PPARGC1A: variants seen among roughly 807,000 people sequenced by gnomAD.
PPARGC1A encodes peroxisome proliferator-activated receptor gamma coactivator 1-alpha.
In PPARGC1A, 25 loss-of-function variants were observed where a neutral mutation model predicts 88.7. The observed-to-expected ratio is 0.28, with a 90% CI of 0.21 to 0.39. The LOEUF (loss-of-function observed/expected upper bound fraction) is 0.39, where lower values mean the gene tolerates loss of function less well. Ranked by LOEUF, PPARGC1A falls within the 10% of genes least tolerant of loss-of-function variation. The pLI is 1.00. For synonymous variants in PPARGC1A, 363 were observed against 355.6 expected (o/e 1.02, Z -0.24); for missense variants, 880 against 968.7 (o/e 0.91, Z 1.22).
At chr4:24,047,076 CT>C in the PPARGC1A span, among the ~76,000 whole-genome samples, 1 of 152,198 alleles carries the variant, frequency 6.6e-6, no homozygotes, top group African/African-American at 2.4e-5. Context: ...CTACTTACCT[CT>C]CCTATTCCAT....
At chr4:23,926,640 T>C in the PPARGC1A span, among the ~76,000 whole-genome samples, 1 of 152,208 alleles carries the variant, frequency 6.6e-6, no homozygotes, top group Non-Finnish European at 1.5e-5. Context: ...TGCCCTTTTA[T>C]CATGCTTTTG....
chr4:24,173,118 A>G, the PPARGC1A span, among the ~76,000 whole-genome samples: 2 of 152,164 alleles, frequency 1.3e-5, no homozygotes, highest in African/African-American at 4.8e-5. Flanking sequence ...TACTGGTGAC[A>G]GGGCATGCTC....
At chr4:24,104,811 C>T in the PPARGC1A span, among the ~76,000 whole-genome samples, 2 of 152,198 alleles carry the variant, frequency 1.3e-5, no homozygotes, top group Admixed American at 6.5e-5. Context: ...AAGCCTTTTA[C>T]AGCTAAAGAA....
intron 1 of PPARGC1A, among the ~76,000 whole-genome samples, chr4:23,895,437 C>G (rs532108356): frequency 6.6e-6 from 1 of 150,676 alleles, no homozygotes; most frequent in African/African-American, 2.4e-5. Flanking sequence ...GAATTTTGCT[C>G]TAGCTAAACT....
intron 10 of PPARGC1A, among the ~76,000 whole-genome samples, chr4:23,812,307 C>G (rs1390944395): frequency 6.6e-6 from 1 of 152,072 alleles, no homozygotes; most frequent in Non-Finnish European, 1.5e-5. Flanking sequence ...TGAACTCAGT[C>G]TCTTCATGGA....
chr4:24,131,524 C>T, the PPARGC1A span, among the ~76,000 whole-genome samples: 44 of 152,282 alleles, frequency 2.9e-4, no homozygotes, highest in African/African-American at 9.9e-4. Flanking sequence ...AAACTTTATA[C>T]AGGACCACAA....
chr4:24,461,073 G>A, the PPARGC1A span, among the ~76,000 whole-genome samples: 2 of 152,108 alleles, frequency 1.3e-5, no homozygotes, highest in Non-Finnish European at 2.9e-5. Flanking sequence ...ACAGGTGCAT[G>A]CCATCACACC....
rs771627154 is a variant in PPARGC1A at position 23,813,684 on chromosome 4, GT to G, written c.1793+5del. On this transcript the variant is annotated splice_donor_5th_base_variant and intron_variant, in intron 8 of 12. Transcript: ENST00000264867. ...TTTGTGTTATTAGGGTTTTGCCAAG[GT>G]TTACCTTGAAGAGGATCTACTGCCT... 21 of 1,548,670 alleles carry G rather than the reference GT, an allele frequency of 1.4e-5. No homozygotes were observed. The East Asian group carries it at 4.7e-4, about 35-fold the overall frequency.
chr4:24,253,331 T>C, the PPARGC1A span, among the ~76,000 whole-genome samples: 1 of 152,220 alleles, frequency 6.6e-6, no homozygotes, highest in Non-Finnish European at 1.5e-5. Flanking sequence ...TATTTAACGT[T>C]ATGAGCACTA....
At chr4:23,828,653 T>C (rs781356933) in intron 4 of PPARGC1A, 49 bp from the exon 5 acceptor site, 2 of 1,540,444 alleles carry the variant, frequency 1.3e-6, no homozygotes, top group South Asian at 2.2e-5. Flanking sequence ...CTGAACCTTA[T>C]CAGAATGGAT....
the PPARGC1A span, among the ~76,000 whole-genome samples, chr4:23,952,255 C>T: frequency 6.6e-6 from 1 of 152,110 alleles, no homozygotes; most frequent in African/African-American, 2.4e-5. Flanking sequence ...ATAGTTTACC[C>T]TTTATTCTTT....
At chr4:24,464,384 T>C in the PPARGC1A span, among the ~76,000 whole-genome samples, 1 of 152,192 alleles carries the variant, frequency 6.6e-6, no homozygotes, top group Admixed American at 6.5e-5. Flanking sequence ...TCAAAAGCTG[T>C]AACAGAAAAC....
At chr4:24,064,794 A>G in the PPARGC1A span, among the ~76,000 whole-genome samples, 1 of 152,034 alleles carries the variant, frequency 6.6e-6, no homozygotes, top group Non-Finnish European at 1.5e-5. Context: ...CAATATGTGC[A>G]TCTTACTAGC....
At chr4:24,005,906 G>A in the PPARGC1A span, among the ~76,000 whole-genome samples, 4 of 152,114 alleles carry the variant, frequency 2.6e-5, no homozygotes, top group Admixed American at 6.6e-5. Context: ...GATTCTTGGC[G>A]ACATGTAATG....
the PPARGC1A span, among the ~76,000 whole-genome samples, chr4:24,129,888 T>A: frequency 2.0e-5 from 3 of 151,814 alleles, no homozygotes; most frequent in Non-Finnish European, 4.4e-5. Context: ...CAGCAAACTA[T>A]CGCCAAGGAC....
chr4:24,034,611 C>G, the PPARGC1A span, among the ~76,000 whole-genome samples: 3 of 152,076 alleles, frequency 2.0e-5, no homozygotes, highest in African/African-American at 7.2e-5. Context: ...ATTGAAGAAG[C>G]AAGACTGACC....
At chr4:24,154,717 C>T in the PPARGC1A span, among the ~76,000 whole-genome samples, 1 of 152,148 alleles carries the variant, frequency 6.6e-6, no homozygotes, top group Non-Finnish European at 1.5e-5. Flanking sequence ...CATGTGGGAG[C>T]TGGGAATTCA....
chr4:24,384,758 C>A, the PPARGC1A span, among the ~76,000 whole-genome samples: 3 of 152,076 alleles, frequency 2.0e-5, no homozygotes, highest in Non-Finnish European at 4.4e-5. Flanking sequence ...TCTTAGAGAG[C>A]TATAAAGAGA....
chr4:23,932,432 C>T, the PPARGC1A span, among the ~76,000 whole-genome samples: 3 of 152,064 alleles, frequency 2.0e-5, no homozygotes. Flanking sequence ...TAATAAGTAG[C>T]ATAAAAGGGG....
Sources: allele counts gnomAD v4.1 joint callset (sites outside exome capture counted in the v4.1 genomes callset), GRCh38; gene constraint gnomAD v4.1.1; transcripts MANE v1.5; gene names NCBI Gene and HGNC (gene_info 2026-07-23, HGNC 2026-07-21).